The following PIP5K1B variants were observed in gnomAD, a reference collection of about 807,000 sequenced individuals.
PIP5K1B encodes the protein phosphatidylinositol 4-phosphate 5-kinase type-1 beta.
PIP5K1B carries 42 observed loss-of-function variants against 67.0 expected under a neutral mutation model. That is an observed-to-expected ratio of 0.63 (90% confidence interval 0.49 to 0.81). The LOEUF (loss-of-function observed/expected upper bound fraction) is 0.81, where lower values mean the gene tolerates loss of function less well. PIP5K1B is among the 30% of genes least tolerant of loss of function. PIP5K1B has a pLI of 0.00. For synonymous variants in PIP5K1B, 214 were observed against 231.4 expected (o/e 0.92, Z 0.68); for missense variants, 459 against 646.3 (o/e 0.71, Z 3.14).
At chr9:68,784,859 T>C (rs922108276) in intron 2 of PIP5K1B, among the ~76,000 whole-genome samples, 2 of 152,090 alleles carry the variant, frequency 1.3e-5, no homozygotes, top group African/African-American at 2.4e-5. Context: ...AAATGTTGAA[T>C]TGATTTGTTG....
chr9:68,940,936 AT>A, intron 14 of PIP5K1B, 146 bp downstream of exon 14: 1 of 782,576 alleles, frequency 1.3e-6, no homozygotes, highest in Non-Finnish European at 2.2e-6. Context: ...AACATGCTTG[AT>A]TTTTACTGTG....
At position 68,887,110 on chromosome 9, in the gene PIP5K1B, G is replaced by C. The variant is rs1476110186; in HGVS notation, c.319-1871G>C. Among the ~76,000 whole-genome samples the C allele has an allele frequency of 1.3e-5, 2 of 152,162 alleles. 1 individual carries two copies. The highest frequency in any genetic ancestry group is 2.9e-5 in the Non-Finnish European group (2 of 68,026). ...AGGCCTTCAGTGACCACCCTATTTA[G>C]AATTTACTGCAACTCATTCCTCACT... On this transcript the variant is annotated intron_variant, in intron 6 of 15. Transcript: ENST00000265382.
At chr9:69,004,526 C>A (rs1004638825) in intron 15 of PIP5K1B, among the ~76,000 whole-genome samples, 6 of 152,158 alleles carry the variant, frequency 3.9e-5, no homozygotes, top group Non-Finnish European at 7.3e-5. Flanking sequence ...GGTCTCTGAT[C>A]CCTGAGCGGT....
Position 68,996,377 on chromosome 9 carries a change from A to G in PIP5K1B, c.1620+5120A>G, listed in dbSNP as rs375319512. Among the ~76,000 whole-genome samples, 4 of 152,266 alleles carry G rather than the reference A, an allele frequency of 2.6e-5. No homozygotes were observed. In the South Asian group the frequency reaches 8.3e-4, roughly 32 times the overall value. On this transcript the variant is annotated intron_variant, in intron 15 of 15. Transcript: ENST00000265382. ...CTTTTTAAAGGCCATTCACCTTCAC[A>G]CTGTAGAGTCCCAAGCTATTTGACT...
chr9:68,788,094 T>G (rs1179899211), intron 2 of PIP5K1B, among the ~76,000 whole-genome samples: 1 of 152,224 alleles, frequency 6.6e-6, no homozygotes, highest in Non-Finnish European at 1.5e-5. Context: ...ACACACCTTG[T>G]CCTTGAGAAC....
intron 6 of PIP5K1B, among the ~76,000 whole-genome samples, chr9:68,881,670 T>C (rs75683027): frequency 6.6e-6 from 1 of 152,258 alleles, no homozygotes; most frequent in Non-Finnish European, 1.5e-5. Flanking sequence ...ACAAGTTTCA[T>C]GTTGAAACAT....
intron 15 of PIP5K1B, among the ~76,000 whole-genome samples, chr9:69,006,817 T>C (rs1256435660): frequency 6.6e-6 from 1 of 152,242 alleles, no homozygotes; most frequent in Non-Finnish European, 1.5e-5. Context: ...TTCTGCTTTG[T>C]TTTTTAAGAA....
rs149276622 is a variant in PIP5K1B, at chr9:68,971,083, T to C, written c.1503-20057T>C. 6.5e-3 allele frequency among the ~76,000 whole-genome samples: 990 copies of C among 152,304 alleles called. 13 individuals carry two copies. The highest frequency in any genetic ancestry group is 0.022 in the African/African-American group (932 of 41,548). On this transcript the variant is annotated intron_variant, in intron 14 of 15. Coordinates refer to ENST00000265382, the MANE Select transcript of PIP5K1B (RefSeq NM_003558.4). Reference sequence around the variant, plus strand: ...TTGTTACATAGGTATACATGTGCCATGGTGGTTTGCTGCACCCCTCAACCC... The same window carrying C: ...TTGTTACATAGGTATACATGTGCCACGGTGGTTTGCTGCACCCCTCAACCC...
At chr9:69,005,148 G>T (rs983316574) in intron 15 of PIP5K1B, among the ~76,000 whole-genome samples, 1 of 151,600 alleles carries the variant, frequency 6.6e-6, no homozygotes, top group Non-Finnish European at 1.5e-5. Context: ...AACTTCCTGT[G>T]TGCATGCAAA....
chr9:68,900,582 A>G (rs961051595), intron 8 of PIP5K1B, among the ~76,000 whole-genome samples: 4 of 152,314 alleles, frequency 2.6e-5, no homozygotes, highest in African/African-American at 9.6e-5. Context: ...AATGACTTTG[A>G]GACAAAGTAT....
At chr9:68,712,395 A>G (rs1249911157) in intron 1 of PIP5K1B, among the ~76,000 whole-genome samples, 1 of 152,226 alleles carries the variant, frequency 6.6e-6, no homozygotes, top group African/African-American at 2.4e-5. Context: ...CCTTTATGGC[A>G]ATGCAAAAAC....
chr9:68,732,040 C>T (rs560147345), intron 1 of PIP5K1B, among the ~76,000 whole-genome samples: 80 of 152,302 alleles, frequency 5.3e-4, no homozygotes, highest in Admixed American at 9.8e-4. Context: ...GAGCCTCCAC[C>T]GAAGCACCAT....
intron 4 of PIP5K1B, among the ~76,000 whole-genome samples, chr9:68,852,297 G>A (rs2132209427): frequency 6.6e-6 from 1 of 152,132 alleles, no homozygotes; most frequent in Admixed American, 6.5e-5. Flanking sequence ...AACCATAAGG[G>A]GTAGTTCAGT....
At chr9:68,712,774 T>G (rs1193343229) in intron 1 of PIP5K1B, among the ~76,000 whole-genome samples, 1 of 152,214 alleles carries the variant, frequency 6.6e-6, no homozygotes. Flanking sequence ...CTGTCTCTAT[T>G]TAAAGACTGA....
rs778564107 is a variant in PIP5K1B at position 68,705,255 on chromosome 9, T to A, written c.-750T>A. ...GCAGCCGGCTCTCTCTGCGCCTCGC[T>A]CCGACTCCGGCGCGCACCAAGCGGG... is the stretch of plus-strand genomic sequence containing the variant. On this transcript the variant is annotated 5_prime_UTR_variant, in exon 1 of 16. Coordinates refer to ENST00000265382, the MANE Select transcript of PIP5K1B (RefSeq NM_003558.4). Among the ~76,000 whole-genome samples the A allele has an allele frequency of 1.6e-4, 24 of 151,642 alleles. No individual in the cohort carries two copies. Among genetic ancestry groups the A allele is most frequent in the Non-Finnish European group, 2.5e-4 (17 of 67,880 alleles).
At chr9:68,956,224 A>G (rs1031654729) in intron 14 of PIP5K1B, among the ~76,000 whole-genome samples, 3 of 152,206 alleles carry the variant, frequency 2.0e-5, no homozygotes, top group Non-Finnish European at 2.9e-5. Context: ...TAATCCCAGC[A>G]TTTTGGAAGG....
chr9:68,725,299 G>T lies in PIP5K1B; in HGVS notation c.-242-17202G>T, dbSNP rs1213179453. Among the ~76,000 whole-genome samples, 2 of 152,240 alleles carry T rather than the reference G, an allele frequency of 1.3e-5. 1 individual carries two copies. The highest frequency in any genetic ancestry group is 3.9e-4 in the East Asian group (2 of 5,180). ...ATCCGGCCTCTCTGCTAACACTTTG[G>T]TGCGCCCTGGTCAAGTGACTTGACC... On this transcript the variant is annotated intron_variant, in intron 1 of 15. Coordinates refer to ENST00000265382, the MANE Select transcript of PIP5K1B (RefSeq NM_003558.4).
intron 1 of PIP5K1B, among the ~76,000 whole-genome samples, chr9:68,725,655 G>A (rs1195874842): frequency 6.6e-6 from 1 of 151,770 alleles, no homozygotes; most frequent in South Asian, 2.1e-4. Flanking sequence ...ATCACCTTCA[G>A]CATGGATGAG....
chr9:68,884,967 C>T (rs1246167332), intron 6 of PIP5K1B, among the ~76,000 whole-genome samples: 4 of 152,148 alleles, frequency 2.6e-5, no homozygotes, highest in Non-Finnish European at 5.9e-5. Context: ...GGTATCTATC[C>T]AAAGCAACGG....
Sources: gnomAD v4.1 joint callset for allele counts (sites outside exome capture counted in the v4.1 genomes callset) on GRCh38, gnomAD v4.1.1 for gene constraint, MANE v1.5 for transcripts, NCBI Gene and HGNC (gene_info 2026-07-23, HGNC 2026-07-21) for gene names.